EVI5: variants seen among roughly 807,000 people sequenced by gnomAD.
EVI5 encodes ecotropic viral integration site 5, also known as ecotropic viral integration site 5 protein homolog.
A neutral mutation model predicts 112.0 loss-of-function variants in EVI5; 73 were observed. The ratio of observed to expected loss-of-function variants is 0.65; its 90% CI spans 0.54 to 0.79. The LOEUF (loss-of-function observed/expected upper bound fraction) is 0.79, where lower values mean the gene tolerates loss of function less well. Ranked by LOEUF, EVI5 falls within the 30% of genes least tolerant of loss-of-function variation. The probability of loss-of-function intolerance (pLI) is 0.00; values close to 1 mark genes in which losing one functional copy is unlikely to be tolerated. For missense variants in EVI5, 900 were observed against 968.8 expected, an observed-to-expected ratio of 0.93 and a Z score of 0.94; for synonymous variants, 305 against 319.9, an observed-to-expected ratio of 0.95 and a Z score of 0.50.
chr1:92,579,925 A>G (rs1005104625), intron 18 of EVI5, among the ~76,000 whole-genome samples: 2 of 152,228 alleles, frequency 1.3e-5, no homozygotes, highest in African/African-American at 2.4e-5. Context: ...ATAATACTGA[A>G]TCTTCAAGCT....
intron 13 of EVI5, among the ~76,000 whole-genome samples, chr1:92,650,931 TATCATTGAGTCTCTGGTCA>T (rs1220822307): frequency 5.9e-5 from 9 of 152,206 alleles, no homozygotes; most frequent in African/African-American, 2.2e-4. Flanking sequence ...TCCATCTTCA[TATCATTGAGTCTCTGGTCA>T]AATCTTAGCT....
At chr1:92,540,363 A>G (rs987834095) in intron 19 of EVI5, among the ~76,000 whole-genome samples, 2 of 152,094 alleles carry the variant, frequency 1.3e-5, no homozygotes, top group Non-Finnish European at 2.9e-5. Flanking sequence ...TATCTGTTTT[A>G]TTATAGCCAT....
chr1:92,667,733 A>G (rs989453560), intron 10 of EVI5, among the ~76,000 whole-genome samples: 1 of 152,142 alleles, frequency 6.6e-6, no homozygotes, highest in African/African-American at 2.4e-5. Context: ...CTCCTGACTC[A>G]GCCTCCTGAG....
chr1:92,772,623 C>A (rs1236063863), intron 1 of EVI5, among the ~76,000 whole-genome samples: 1 of 152,122 alleles, frequency 6.6e-6, no homozygotes, highest in Non-Finnish European at 1.5e-5. Flanking sequence ...TTCATAGCGG[C>A]TGGGTGCAGT....
chr1:92,616,891 C>T (rs982052756), intron 16 of EVI5, among the ~76,000 whole-genome samples: 3 of 152,142 alleles, frequency 2.0e-5, no homozygotes, highest in African/African-American at 4.8e-5. Flanking sequence ...CAGCAGCACT[C>T]CATCATCAAA....
chr1:92,690,225 G>A (rs1669260082), intron 9 of EVI5, among the ~76,000 whole-genome samples: 1 of 152,078 alleles, frequency 6.6e-6, no homozygotes, highest in Admixed American at 6.6e-5. Flanking sequence ...GAAGTTAGCT[G>A]CAGTTAAAGA....
chr1:92,777,238 G>A (rs991923448), intron 1 of EVI5, among the ~76,000 whole-genome samples: 1 of 152,094 alleles, frequency 6.6e-6, no homozygotes, highest in Non-Finnish European at 1.5e-5. Flanking sequence ...ACCACGCCCG[G>A]CCCATTATGA....
In EVI5 at chr1:92,568,795, TCTTC is replaced by T. The variant is rs371012110; in HGVS notation, c.2071-5062_2071-5059del. 7.2e-4 allele frequency among the ~76,000 whole-genome samples: 110 copies of T among 152,388 alleles called. 1 individual carries two copies. Among genetic ancestry groups the T allele is most frequent in the South Asian group, 4.1e-3 (20 of 4,832 alleles). ...TCCATTTAATGAATAATATATTTTC[TCTTC>T]CTTATGATTTTCTTAATAACATTTT... On this transcript the variant is annotated intron_variant, in intron 18 of 19. Coordinates refer to ENST00000684568, the MANE Select transcript of EVI5 (RefSeq NM_001350197.2).
upstream of EVI5, among the ~76,000 whole-genome samples, chr1:92,785,781 A>T (rs572709376): frequency 6.6e-6 from 1 of 152,184 alleles, no homozygotes; most frequent in Non-Finnish European, 1.5e-5. Flanking sequence ...TACTTTCATT[A>T]TATGTTTAGA....
At chr1:92,572,321 C>T (rs1341047210) in intron 18 of EVI5, among the ~76,000 whole-genome samples, 1 of 152,002 alleles carries the variant, frequency 6.6e-6, no homozygotes, top group Non-Finnish European at 1.5e-5. Context: ...AGAAAATATA[C>T]CAAAATATTA....
At chr1:92,635,707 T>C (rs1572034416) in intron 14 of EVI5, among the ~76,000 whole-genome samples, 1 of 152,120 alleles carries the variant, frequency 6.6e-6, no homozygotes, top group Non-Finnish European at 1.5e-5. Context: ...GGTACGGCAG[T>C]TGGAAATGCA....
At chr1:92,714,429 T>C (rs1342409556) in intron 2 of EVI5, among the ~76,000 whole-genome samples, 1 of 152,218 alleles carries the variant, frequency 6.6e-6, no homozygotes. Flanking sequence ...TCATAATTTT[T>C]ACTTTAGATA....
intron 13 of EVI5, among the ~76,000 whole-genome samples, chr1:92,643,581 A>AT (rs1375849260): frequency 6.6e-6 from 1 of 152,140 alleles, no homozygotes; most frequent in African/African-American, 2.4e-5. Flanking sequence ...GCCTTCAATC[A>AT]TTTTTGAAAA....
At chr1:92,657,016 C>T (rs1663112540) in intron 13 of EVI5, among the ~76,000 whole-genome samples, 1 of 152,042 alleles carries the variant, frequency 6.6e-6, no homozygotes, top group Admixed American at 6.5e-5. Flanking sequence ...AGGAGGGACT[C>T]CTCCTTAACT....
intron 1 of EVI5, among the ~76,000 whole-genome samples, chr1:92,742,517 A>G (rs1424246796): frequency 6.6e-6 from 1 of 151,840 alleles, no homozygotes; most frequent in Non-Finnish European, 1.5e-5. Flanking sequence ...TACTAAAAAT[A>G]CAAAAATTAG....
chr1:92,676,358 GGA>G (rs1451679025), intron 10 of EVI5, among the ~76,000 whole-genome samples: 1 of 151,244 alleles, frequency 6.6e-6, no homozygotes, highest in East Asian at 2.0e-4. Context: ...TAAAAAGGGA[GGA>G]GGGAGTCACT....
chr1:92,575,927 G>C (rs1671011300), intron 18 of EVI5, among the ~76,000 whole-genome samples: 1 of 152,040 alleles, frequency 6.6e-6, no homozygotes, highest in African/African-American at 2.4e-5. Context: ...CAAGTCTGTA[G>C]ATTGTATATT....
intron 1 of EVI5, among the ~76,000 whole-genome samples, chr1:92,775,474 T>C (rs1683991859): frequency 6.6e-6 from 1 of 151,984 alleles, no homozygotes; most frequent in Non-Finnish European, 1.5e-5. Context: ...AATATAGTAC[T>C]TTTGGTGTAT....
intron 2 of EVI5, among the ~76,000 whole-genome samples, chr1:92,717,671 C>A (rs1673982339): frequency 6.6e-6 from 1 of 152,148 alleles, no homozygotes; most frequent in South Asian, 2.1e-4. Flanking sequence ...ATCATAATGA[C>A]AGGATCAAAT....
Sources: gnomAD v4.1 joint callset for allele counts (sites outside exome capture counted in the v4.1 genomes callset) on GRCh38, gnomAD v4.1.1 for gene constraint, MANE v1.5 for transcripts, NCBI Gene and HGNC (gene_info 2026-07-23, HGNC 2026-07-21) for gene names.